Variants in HAGH observed in about 807,000 individuals in gnomAD.
The protein encoded by HAGH is hydroxyacylglutathione hydrolase, mitochondrial.
A neutral mutation model predicts 35.1 loss-of-function variants in HAGH; 29 were observed. The observed-to-expected ratio is 0.83, with a 90% CI of 0.62 to 1.13. The LOEUF (loss-of-function observed/expected upper bound fraction) is 1.13, where lower values mean the gene tolerates loss of function less well. HAGH is among the 50% of genes most tolerant of loss of function. The probability of loss-of-function intolerance (pLI) is 0.00; values close to 1 mark genes in which losing one functional copy is unlikely to be tolerated. For synonymous variants in HAGH, 225 were observed against 176.1 expected, an observed-to-expected ratio of 1.28 and a Z score of -2.20; for missense variants, 478 against 419.6, an observed-to-expected ratio of 1.14 and a Z score of -1.22.
rs1897945373 is a variant in HAGH at position 1,817,220 on chromosome 16, T to C, written c.593A>G (p.Asp198Gly). The C allele has an allele frequency of 6.2e-7, 1 of 1,613,458 alleles. No homozygotes were observed. Among genetic ancestry groups the C allele is most frequent in the African/African-American group, 1.3e-5 (1 of 74,850 alleles). Residue 198 changes from aspartate to glycine, a missense_variant, in exon 6 of 9, where the codon GAT (aspartate) becomes GGT (glycine). Transcript: ENST00000397356. Reference protein sequence around the residue: ...GCGKFYEGTADEMCKALLEVL... With the variant: ...GCGKFYEGTAGEMCKALLEVL... ...CTCCAGCAGAGCTTTACACATCTCATCCGCAGTCCCTTCATAGAACTTCCC... is the reference window on the plus strand; with the variant it reads ...CTCCAGCAGAGCTTTACACATCTCACCCGCAGTCCCTTCATAGAACTTCCC...
In HAGH at chr16:1,819,095, A is replaced by T; in HGVS notation, c.541+20T>A. The T allele has an allele frequency of 6.7e-7, 1 of 1,484,470 alleles. No homozygotes were observed. Among genetic ancestry groups the T allele is most frequent in the Non-Finnish European group, 9.4e-7 (1 of 1,063,238 alleles). 92.0% of individuals were successfully genotyped at this position (1,484,470 alleles called of 1,614,324 possible). A position where few individuals can be genotyped will look rare whatever the true frequency, so the allele number is the denominator to read the frequency against. On this transcript the variant is annotated intron_variant, in intron 5 of 8. Transcript: ENST00000397356. The stretch of plus-strand genomic sequence containing the variant: ...GTCTTCACGAAGAACCCCCGCCCCC[A>T]CCCACACTCGAACACGCACCTGTGA...
Position 1,820,024 on chromosome 16 carries a change from A to G in HAGH, c.315-10T>C. On this transcript the variant is annotated splice_polypyrimidine_tract_variant and intron_variant, in intron 3 of 8. Transcript: ENST00000397356. ...CCCGCCAGCATGGTCCCTAGAAGTC[A>G]AACAGGAGACCTGGGCTGCCTGCTG... 2 of 1,577,564 alleles carry G rather than the reference A, an allele frequency of 1.3e-6. No homozygotes were observed. The highest frequency in any genetic ancestry group is 1.1e-5 in the South Asian group (1 of 89,948).
chr16:1,817,931 G>A (rs1897981816), intron 5 of HAGH, among the ~76,000 whole-genome samples: 1 of 151,166 alleles, frequency 6.6e-6, no homozygotes, highest in Non-Finnish European at 1.5e-5. Context: ...CAGCACAGTG[G>A]AGGCCGCCCC....
intron 7 of HAGH, among the ~76,000 whole-genome samples, chr16:1,813,230 C>G (rs565577049): frequency 6.6e-6 from 1 of 152,258 alleles, no homozygotes; most frequent in African/African-American, 2.4e-5. Context: ...ACTTTTGCCT[C>G]CCCCACTCTC....
At chr16:1,815,504 G>A (rs1280256947) in intron 7 of HAGH, among the ~76,000 whole-genome samples, 1 of 152,166 alleles carries the variant, frequency 6.6e-6, no homozygotes, top group African/African-American at 2.4e-5. Context: ...CAACATCAGC[G>A]GGGCCGAGAA....
intron 5 of HAGH, chr16:1,818,913 G>C (rs937163174): frequency 8.7e-6 from 5 of 573,474 alleles, no homozygotes; most frequent in Middle Eastern, 9.3e-4. Context: ...TGCTGCAAGC[G>C]TAACTTCCTT....
intron 8 of HAGH, 126 bp downstream of exon 8, chr16:1,809,628 C>T: frequency 1.3e-6 from 1 of 768,762 alleles, no homozygotes; most frequent in South Asian, 1.5e-5. Flanking sequence ...GGCTCTGCGG[C>T]TGCACCTGTG....
At chr16:1,821,838 T>A (rs1444372858) in intron 3 of HAGH, 2 of 153,590 alleles carry the variant, frequency 1.3e-5, no homozygotes, top group African/African-American at 4.8e-5. Context: ...TTCACCGTGT[T>A]GGCCAGGCTG....
chr16:1,826,415 G>A (rs903408885), intron 1 of HAGH: 1 of 340,054 alleles, frequency 2.9e-6, no homozygotes, highest in African/African-American at 2.2e-5. Context: ...GCGCCGGCCC[G>A]GGCAGGACGC....
chr16:1,811,399 G>A (rs1897641300), intron 7 of HAGH, among the ~76,000 whole-genome samples: 1 of 151,860 alleles, frequency 6.6e-6, no homozygotes, highest in Non-Finnish European at 1.5e-5. Flanking sequence ...GGGCAGCAGA[G>A]CAAGACACTG....
chr16:1,813,074 A>G (rs1018178247), intron 7 of HAGH, among the ~76,000 whole-genome samples: 1 of 152,224 alleles, frequency 6.6e-6, no homozygotes, highest in Non-Finnish European at 1.5e-5. Flanking sequence ...TGGGATGTCC[A>G]TCCCTCCAAA....
At chr16:1,825,650 T>C (rs1898368647) in intron 1 of HAGH, among the ~76,000 whole-genome samples, 1 of 152,222 alleles carries the variant, frequency 6.6e-6, no homozygotes, top group Admixed American at 6.5e-5. Context: ...CAAGGGTCAC[T>C]GCAGCCTCGA....
At position 1,826,729 on chromosome 16, in the gene HAGH, C is replaced by T; in HGVS notation, c.59G>A (p.Cys20Tyr). The part of the protein sequence containing the change: ...RRSLAALGAA[C>Y]ARRGLGPALL... ...GCACCCACCGAGGCCTCGGCGGGCG[C>T]AGGCGGCTCCCAGCGCGGCGAGGCT... Residue 20 changes from cysteine to tyrosine, a missense_variant, in exon 1 of 9, where the codon TGC becomes TAC. By Grantham distance (194) the Cys-to-Tyr change is radical. Coordinates refer to ENST00000397356, the MANE Select transcript of HAGH (RefSeq NM_005326.6). 2 of 1,166,330 alleles carry T rather than the reference C, an allele frequency of 1.7e-6. No homozygotes were observed. Among genetic ancestry groups the T allele is most frequent in the Non-Finnish European group, 2.1e-6 (2 of 946,388 alleles). 72.2% of individuals were successfully genotyped at this position (1,166,330 alleles called of 1,614,324 possible).
Position 1,826,793 on chromosome 16 carries a change from G to T in HAGH, c.-6C>A. 1 of 1,214,836 alleles carries T rather than the reference G, an allele frequency of 8.2e-7. No homozygotes were observed. Among genetic ancestry groups the T allele is most frequent in the Non-Finnish European group, 1.0e-6 (1 of 976,086 alleles). The allele number at this position is 1,214,836 out of a possible 1,614,324, so 75.3% of individuals were successfully genotyped here. ...AGCCCTCGGCCCACCACCATGACCC[G>T]GGCCGGGCTGGACTGCCGAGCTGCC... is the stretch of plus-strand genomic sequence containing the variant. On this transcript the variant is annotated 5_prime_UTR_variant, in exon 1 of 9. Coordinates refer to ENST00000397356, the MANE Select transcript of HAGH (RefSeq NM_005326.6).
In HAGH at chr16:1,819,925, T is replaced by A; in HGVS notation, c.404A>T (p.His135Leu). ...GGDDRIGALT[H>L]KITHLSTLQV... is the part of the protein sequence containing the mutation. ...CAGTGTGGACAGGTGAGTGATCTTG[T>A]GAGTCAGGGCCCCGATACGGTCGTC... The change falls in exon 4 of 9, where the codon CAC becomes CTC. Residue 135 changes from histidine to leucine, a missense_variant. Physicochemically the swap from His to Leu is moderately conservative, Grantham distance 99 (BLOSUM62 -3). Coordinates refer to ENST00000397356, the MANE Select transcript of HAGH (RefSeq NM_005326.6). 3 of 1,611,986 alleles carry A rather than the reference T, an allele frequency of 1.9e-6. No homozygotes were observed. Among genetic ancestry groups the A allele is most frequent in the Non-Finnish European group, 2.5e-6 (3 of 1,178,306 alleles).
At chr16:1,824,720 G>A (rs1180384348) in intron 1 of HAGH, among the ~76,000 whole-genome samples, 1 of 152,152 alleles carries the variant, frequency 6.6e-6, no homozygotes, top group African/African-American at 2.4e-5. Context: ...CACAGCCGGG[G>A]AAACTGCCCA....
At chr16:1,814,389 G>A (rs1284822929) in intron 7 of HAGH, among the ~76,000 whole-genome samples, 6 of 151,030 alleles carry the variant, frequency 4.0e-5, no homozygotes, top group Admixed American at 2.6e-4. Context: ...CAGGAGAATC[G>A]CTTAAACCCA....
intron 7 of HAGH, among the ~76,000 whole-genome samples, chr16:1,812,079 G>C (rs9937825): frequency 0.78 from 117,599 of 151,406 alleles, 45,719 homozygotes; most frequent in Middle Eastern, 0.86. Context: ...GTAGTCCCAG[G>C]TACGGGAGAC....
intron 8 of HAGH, 175 bp downstream of exon 8, chr16:1,809,579 T>A (rs1218453607): frequency 3.0e-6 from 2 of 674,400 alleles, no homozygotes; most frequent in Non-Finnish European, 5.2e-6. Flanking sequence ...CCGGCCAAGG[T>A]GCCAGGAAAG....
Sources: allele counts gnomAD v4.1 joint callset (sites outside exome capture counted in the v4.1 genomes callset), GRCh38; gene constraint gnomAD v4.1.1; transcripts MANE v1.5; gene names NCBI Gene and HGNC (gene_info 2026-07-23, HGNC 2026-07-21).